Variants in AKAP12 observed in about 807,000 individuals in gnomAD.
AKAP12 encodes A-kinase anchoring protein 12.
Under a neutral mutation model 79.9 loss-of-function variants are expected in AKAP12, and 32 were observed. That is an observed-to-expected ratio of 0.40 (90% CI 0.30 to 0.54). AKAP12 has a LOEUF of 0.54. Ranked by LOEUF, AKAP12 falls within the 20% of genes least tolerant of loss-of-function variation. The probability of loss-of-function intolerance (pLI) is 0.48; values close to 1 mark genes in which losing one functional copy is unlikely to be tolerated. For synonymous variants in AKAP12, 808 were observed against 857.0 expected, an observed-to-expected ratio of 0.94 and a Z score of 1.00; for missense variants, 2,074 against 2,177.0, an observed-to-expected ratio of 0.95 and a Z score of 0.94.
intron 2 of AKAP12, among the ~76,000 whole-genome samples, chr6:151,267,393 TA>T (rs2114706692): frequency 6.6e-6 from 1 of 152,382 alleles, no homozygotes; most frequent in East Asian, 1.9e-4. Flanking sequence ...AGTCACATTT[TA>T]ATGTCAGGCA....
chr6:151,267,524 A>G (rs1211619616), intron 2 of AKAP12, among the ~76,000 whole-genome samples: 2 of 152,216 alleles, frequency 1.3e-5, no homozygotes, highest in Non-Finnish European at 2.9e-5. Context: ...AAGAGTCCAC[A>G]GAATGCCAAA....
rs574433885 is a variant in AKAP12 at position 151,348,735 on chromosome 6, T to G, written c.344T>G (p.Val115Gly). 92 of 1,433,666 alleles carry G rather than the reference T, an allele frequency of 6.4e-5. No individual in the cohort carries two copies. The highest frequency in any genetic ancestry group is 8.5e-5 in the Non-Finnish European group (91 of 1,075,504). The allele number at this position is 1,433,666 out of a possible 1,614,324, so 88.8% of individuals were successfully genotyped here. The change falls in exon 4 of 5, where the codon GTG becomes GGG. Residue 115 changes from valine (V) to glycine (G), a missense_variant. By Grantham distance (109) the Val-to-Gly change is moderately radical. Around this residue, in one of 3 missense-constraint regions of AKAP12, gnomAD observed 1,428 missense variants for 1,451.0 expected, o/e 0.98. Transcript: ENST00000402676. ...TEVGQRDSED[V>G]SKRDSDKEMA... The stretch of plus-strand genomic sequence containing the variant: ...GTTGGACAGAGAGACTCTGAAGATG[T>G]GAGCAAAAGAGACTCCGATAAAGAG...
In AKAP12 at chr6:151,240,475, G is replaced by A; in HGVS notation, c.-88G>A. 1 of 1,299,668 alleles carries A rather than the reference G, an allele frequency of 7.7e-7. No homozygotes were observed. The highest frequency in any genetic ancestry group is 9.8e-7 in the Non-Finnish European group (1 of 1,021,300). The allele number at this position is 1,299,668 out of a possible 1,614,324, so 80.5% of individuals were successfully genotyped here. On this transcript the variant is annotated 5_prime_UTR_variant, in exon 2 of 5. Transcript: ENST00000402676. ...GGAAGGCGCTCTCGGGACCTCGCGG[G>A]CGCGCGTCTTTTGGCTCTTGCCCCT... is the stretch of plus-strand genomic sequence containing the variant.
chr6:151,263,712 G>A (rs1797485563), intron 2 of AKAP12, among the ~76,000 whole-genome samples: 1 of 152,122 alleles, frequency 6.6e-6, no homozygotes. Flanking sequence ...CTGAGTAACT[G>A]TGATTACAGG....
intron 3 of AKAP12, among the ~76,000 whole-genome samples, chr6:151,344,365 T>A (rs558836550): frequency 3.4e-3 from 508 of 148,832 alleles, no homozygotes; most frequent in Non-Finnish European, 4.3e-3. Flanking sequence ...GAGGCCCAGA[T>A]AACCTATTCA....
intron 2 of AKAP12, among the ~76,000 whole-genome samples, chr6:151,283,263 C>T (rs562655782): frequency 6.6e-6 from 1 of 152,248 alleles, no homozygotes; most frequent in South Asian, 2.1e-4. Context: ...AAAGCTTGAA[C>T]TAGGGCAGAA....
intron 2 of AKAP12, among the ~76,000 whole-genome samples, chr6:151,300,591 A>G (rs2114749205): frequency 6.6e-6 from 1 of 152,168 alleles, no homozygotes; most frequent in South Asian, 2.1e-4. Context: ...TCCTGTGGAG[A>G]AGGAAGTGGA....
Position 151,274,145 on chromosome 6 carries a change from C to T in AKAP12, c.163-31602C>T, listed in dbSNP as rs546286254. On this transcript the variant is annotated intron_variant, in intron 2 of 4. Transcript: ENST00000402676. ...GGAGGGCAGTGGCGCAATCTCGGCTCACTGCAACCTCTGCCTCTTGGGCTT... is the reference window on the plus strand; with the variant it reads ...GGAGGGCAGTGGCGCAATCTCGGCTTACTGCAACCTCTGCCTCTTGGGCTT... Among the ~76,000 whole-genome samples the T allele has an allele frequency of 6.6e-5, 10 of 151,590 alleles. No homozygotes were observed. In the East Asian group the frequency reaches 1.2e-3, roughly 18 times the overall value.
intron 2 of AKAP12, among the ~76,000 whole-genome samples, chr6:151,252,612 GCATGGTGGCT>G (rs1201097151): frequency 4.6e-5 from 7 of 151,924 alleles, no homozygotes; most frequent in Admixed American, 2.0e-4. Context: ...CTAGAGGTGA[GCATGGTGGCT>G]CATGGTGGAC....
rs190741576 is a variant in AKAP12, at chr6:151,333,790, A to G, written c.320-14921A>G. On this transcript the variant is annotated intron_variant, in intron 3 of 4. Coordinates refer to ENST00000402676, the MANE Select transcript of AKAP12 (RefSeq NM_005100.4). ...TTCTGCTCACCACAAACTAGAAGGG[A>G]ATGATGGTGGTCTTGTTTGGGACTC... Among the ~76,000 whole-genome samples the G allele has an allele frequency of 1.9e-3, 285 of 151,494 alleles. 1 individual carries two copies. Among genetic ancestry groups the G allele is most frequent in the African/African-American group, 6.8e-3 (279 of 41,262 alleles).
chr6:151,250,998 T>C (rs1797163284), intron 2 of AKAP12, among the ~76,000 whole-genome samples: 1 of 152,148 alleles, frequency 6.6e-6, no homozygotes, highest in Non-Finnish European at 1.5e-5. Context: ...CACCTCATAA[T>C]TGAGATGAGG....
intron 3 of AKAP12, among the ~76,000 whole-genome samples, chr6:151,319,471 A>ATCTATCTG (rs1258033355): frequency 7.0e-6 from 1 of 143,114 alleles, no homozygotes; most frequent in Non-Finnish European, 1.5e-5. Context: ...CTATCTATCT[A>ATCTATCTG]TCTATCTATC....
At chr6:151,326,389 G>A (rs544182820) in intron 3 of AKAP12, among the ~76,000 whole-genome samples, 1 of 151,660 alleles carries the variant, frequency 6.6e-6, no homozygotes, top group South Asian at 2.1e-4. Context: ...GTGGTTTAGG[G>A]GACTAACATT....
chr6:151,304,488 C>CAAAAAAAAAAAAAAAAAAAAAAAAAAAAA (rs1157088954), intron 2 of AKAP12, among the ~76,000 whole-genome samples: 15 of 46,006 alleles, frequency 3.3e-4, no homozygotes, highest in Non-Finnish European at 5.4e-4. Context: ...CACTCCATCT[C>CAAAAAAAAAAAAAAAAAAAAAAAAAAAAA]AAAAAAAAAA....
chr6:151,250,314 A>C (rs905015343), intron 2 of AKAP12, among the ~76,000 whole-genome samples: 8 of 150,782 alleles, frequency 5.3e-5, no homozygotes, highest in Non-Finnish European at 8.9e-5. Context: ...TCTGACCAAC[A>C]TGGTGAAACT....
At chr6:151,284,951 G>A (rs1007155722) in intron 2 of AKAP12, among the ~76,000 whole-genome samples, 1 of 152,184 alleles carries the variant, frequency 6.6e-6, no homozygotes, top group African/African-American at 2.4e-5. Flanking sequence ...TGAACATTCA[G>A]AGGCTTTGGA....
chr6:151,275,053 G>A (rs1298320673), intron 2 of AKAP12, among the ~76,000 whole-genome samples: 9 of 152,110 alleles, frequency 5.9e-5, no homozygotes, highest in Admixed American at 2.0e-4. Flanking sequence ...GCAGTGAGCC[G>A]TGATCGCGCC....
Position 151,349,411 on chromosome 6 carries a change from C to T in AKAP12, c.1020C>T (p.Asp340=), listed in dbSNP as rs747736451. The T allele has an allele frequency of 1.6e-5, 26 of 1,612,668 alleles. No homozygotes were observed. The highest frequency in any genetic ancestry group is 1.1e-4 in the East Asian group (5 of 44,872). The change falls in exon 4 of 5, where the codon GAC becomes GAT. Residue 340 remains aspartate (D), a synonymous_variant. Coordinates refer to ENST00000402676, the MANE Select transcript of AKAP12 (RefSeq NM_005100.4). Reference sequence around the variant, plus strand: ...CAGAAAAAGTAGACACAGAAGAAGACGGAAAGGCAGAGGTTGCCTCCGAGA... The same window carrying T: ...CAGAAAAAGTAGACACAGAAGAAGATGGAAAGGCAGAGGTTGCCTCCGAGA... The part of the protein sequence containing the change: ...QEPEKVDTEE[D]GKAEVASEKL...
At chr6:151,308,726 CCTT>C (rs754670248) in intron 3 of AKAP12, among the ~76,000 whole-genome samples, 9 of 152,148 alleles carry the variant, frequency 5.9e-5, no homozygotes, top group Admixed American at 1.3e-4. Context: ...TTGGCATACT[CCTT>C]CTGTTTTTTT....
Sources: gnomAD v4.1 joint callset for allele counts (sites outside exome capture counted in the v4.1 genomes callset) on GRCh38, gnomAD v4.1.1 for gene constraint, gnomAD v4.1.1 regional missense constraint, MANE v1.5 for transcripts, NCBI Gene and HGNC (gene_info 2026-07-23, HGNC 2026-07-21) for gene names.